The following SORBS2 variants were observed in gnomAD, a reference collection of about 807,000 sequenced individuals.
SORBS2 encodes sorbin and SH3 domain containing 2, also known as sorbin and SH3 domain-containing protein 2.
In SORBS2, 46 loss-of-function variants were observed where a neutral mutation model predicts 97.7. The observed-to-expected ratio is 0.47, with a 90% CI of 0.37 to 0.60. The LOEUF (loss-of-function observed/expected upper bound fraction) is 0.60, where lower values mean the gene tolerates loss of function less well. SORBS2 is among the 20% of genes least tolerant of loss of function. The pLI is 0.00. For missense variants in SORBS2, 1,316 were observed against 1,282.3 expected (o/e 1.03, Z -0.40); for synonymous variants, 476 against 473.4 (o/e 1.01, Z -0.07).
intron 4 of SORBS2, among the ~76,000 whole-genome samples, chr4:185,634,531 A>G (rs1186747658): frequency 2.0e-5 from 3 of 151,840 alleles, no homozygotes; most frequent in Non-Finnish European, 4.4e-5. Context: ...GTGTCTTCTA[A>G]TGAGTCATTT....
In SORBS2 at chr4:185,944,792, C is replaced by T. The variant is rs561278100; in HGVS notation, c.-338+11404G>A. The stretch of plus-strand genomic sequence containing the variant: ...GTCATTTGTAGGACACTCCATATTA[C>T]GGTGTGTCCCACAATCATAAAACAA... On this transcript the variant is annotated intron_variant, in intron 1 of 20. Coordinates refer to the SORBS2 transcript ENST00000284776. 3.9e-5 allele frequency among the ~76,000 whole-genome samples: 6 copies of T among 152,264 alleles called. No individual in the cohort carries two copies. The East Asian group carries it at 9.6e-4, about 24-fold the overall frequency.
At chr4:185,807,931 G>A (rs1585164503) in intron 1 of SORBS2, among the ~76,000 whole-genome samples, 1 of 152,142 alleles carries the variant, frequency 6.6e-6, no homozygotes, top group African/African-American at 2.4e-5. Flanking sequence ...AGACATAACT[G>A]AGACCTTTAA....
At chr4:185,702,222 C>T (rs189536292) in intron 2 of SORBS2, among the ~76,000 whole-genome samples, 7 of 152,082 alleles carry the variant, frequency 4.6e-5, no homozygotes, top group East Asian at 1.9e-4. Flanking sequence ...CTGCACGGGA[C>T]GCATGGCACT....
At chr4:185,742,513 A>G (rs2098733660) in intron 2 of SORBS2, among the ~76,000 whole-genome samples, 1 of 152,192 alleles carries the variant, frequency 6.6e-6, no homozygotes, top group South Asian at 2.1e-4. Flanking sequence ...TCCAGCACAG[A>G]TTAAGAGGCC....
chr4:185,795,734 G>T (rs1197383367), intron 1 of SORBS2, among the ~76,000 whole-genome samples: 1 of 152,156 alleles, frequency 6.6e-6, no homozygotes, highest in East Asian at 1.9e-4. Context: ...TCTCTTTGCT[G>T]CTCAATATAT....
chr4:185,698,485 T>C (rs1472517789), intron 2 of SORBS2, among the ~76,000 whole-genome samples: 2 of 132,764 alleles, frequency 1.5e-5, no homozygotes, highest in African/African-American at 4.9e-5. Flanking sequence ...AGAGCAAGAC[T>C]CCATCTCAAA....
Position 185,729,490 on chromosome 4 carries a change from C to T in SORBS2, c.-198+45737G>A, listed in dbSNP as rs775661677. 4.6e-5 allele frequency among the ~76,000 whole-genome samples: 7 copies of T among 152,330 alleles called. No individual in the cohort carries two copies. The East Asian group carries it at 7.7e-4, about 17-fold the overall frequency. On this transcript the variant is annotated intron_variant, in intron 2 of 20. Transcript: ENST00000284776. ...ATGGAGCTGATGTGGGGAGAACACT[C>T]CTCACTGTCCAGTCTAGTGATGACC...
chr4:185,847,532 A>G (rs933228888), intron 1 of SORBS2, among the ~76,000 whole-genome samples: 3 of 152,158 alleles, frequency 2.0e-5, no homozygotes, highest in East Asian at 1.9e-4. Context: ...ATCCAGACAT[A>G]CATCCTCCTC....
intron 1 of SORBS2, among the ~76,000 whole-genome samples, chr4:185,907,539 T>C (rs748578274): frequency 5.3e-5 from 8 of 152,246 alleles, no homozygotes; most frequent in Non-Finnish European, 1.2e-4. Flanking sequence ...GCTGTTTTTC[T>C]GGAGAGCTTT....
In SORBS2 at chr4:185,705,641, TCA is replaced by T. The variant is rs60535868; in HGVS notation, c.-197-26821_-197-26820del. 7.5e-3 allele frequency among the ~76,000 whole-genome samples: 1,141 copies of T among 152,346 alleles called. 14 individuals are homozygous for T. The highest frequency in any genetic ancestry group is 0.026 in the African/African-American group (1,088 of 41,572). ...ACATGAATGGGGGTTTTCCGTTTTTTCACTGCTATACACTCAGCCTCTAACAA... is the reference window on the plus strand; with the variant it reads ...ACATGAATGGGGGTTTTCCGTTTTTTCTGCTATACACTCAGCCTCTAACAA... On this transcript the variant is annotated intron_variant, in intron 2 of 20. Coordinates refer to the SORBS2 transcript ENST00000284776.
chr4:185,688,482 A>T (rs950999509), intron 2 of SORBS2, among the ~76,000 whole-genome samples: 2 of 148,916 alleles, frequency 1.3e-5, no homozygotes, highest in Admixed American at 1.3e-4. Context: ...TGCATTATCT[A>T]TCTGTCTATT....
At chr4:185,631,029 T>C (rs1309876725) in intron 4 of SORBS2, among the ~76,000 whole-genome samples, 2 of 152,214 alleles carry the variant, frequency 1.3e-5, no homozygotes, top group African/African-American at 4.8e-5. Context: ...TTATAAAACA[T>C]CACATTTTAA....
At chr4:185,771,670 T>C (rs1183078436) in intron 2 of SORBS2, 1 of 152,260 alleles carries the variant, frequency 6.6e-6, no homozygotes, top group Non-Finnish European at 1.5e-5. Context: ...TAAGTGACTA[T>C]GAAATTTCAA....
intron 4 of SORBS2, among the ~76,000 whole-genome samples, chr4:185,637,451 C>A (rs910927557): frequency 1.3e-5 from 2 of 152,206 alleles, no homozygotes. Flanking sequence ...CCGTCCACAT[C>A]CTTAAGCAAC....
In SORBS2 at chr4:185,684,442, C is replaced by CT. The variant is rs35997413; in HGVS notation, c.-197-5621dup. On this transcript the variant is annotated intron_variant, in intron 2 of 20. Coordinates refer to the SORBS2 transcript ENST00000284776. This position sits in a 1 kb window ranked among gnomAD's most constrained non-coding sequence, Gnocchi z 4.2. ...TGAAGATTCAGTTTCCTACAAATCC[C>CT]TTTTTTCATCCTGTACCCCTGTACC... 1.6e-3 allele frequency among the ~76,000 whole-genome samples: 246 copies of CT among 151,966 alleles called. No individual in the cohort carries two copies. Among genetic ancestry groups the CT allele is most frequent in the Non-Finnish European group, 3.0e-3 (206 of 67,956 alleles).
chr4:185,741,659 C>T (rs540884372), intron 2 of SORBS2, among the ~76,000 whole-genome samples: 3 of 152,154 alleles, frequency 2.0e-5, no homozygotes, highest in Admixed American at 6.5e-5. Flanking sequence ...CCACCGCACC[C>T]GGCCTGTCCT....
exon 7 of SORBS2, chr4:185,624,383 G>A (rs761101838): frequency 2.5e-6 from 4 of 1,614,070 alleles, no homozygotes; most frequent in Non-Finnish European, 3.4e-6. Context: ...TGAGTCCCGA[G>A]GGACATCCAA....
At position 185,611,965 on chromosome 4, in the gene SORBS2, G is replaced by T. The variant is rs1477606641; in HGVS notation, c.2611C>A (p.Leu871Ile). ...CAGTTTTGATCAACTCTTTTAAGAA[G>T]AATAACTCTATCTCCCTGTTATGAA... is the stretch of plus-strand genomic sequence containing the variant. The change falls in exon 12 of 15, where the codon CTT becomes ATT. Residue 871 changes from leucine (L) to isoleucine (I), a missense_variant. Transcript: ENST00000418609. The T allele has an allele frequency of 1.2e-6, 2 of 1,604,028 alleles. No individual in the cohort carries two copies. The highest frequency in any genetic ancestry group is 1.7e-6 in the Non-Finnish European group (2 of 1,171,154).
chr4:185,642,051 A>G (rs1164413707), intron 4 of SORBS2, among the ~76,000 whole-genome samples: 3 of 152,142 alleles, frequency 2.0e-5, no homozygotes, highest in Non-Finnish European at 4.4e-5. Context: ...TTTTCAAATT[A>G]CGCTCATTCC....
Sources: gnomAD v4.1 joint callset for allele counts (sites outside exome capture counted in the v4.1 genomes callset) on GRCh38, gnomAD v4.1.1 for gene constraint, Gnocchi (gnomAD v3.1) non-coding constraint, MANE v1.5 for transcripts, NCBI Gene and HGNC (gene_info 2026-07-23, HGNC 2026-07-21) for gene names.